The following FRMD3 variants were observed in gnomAD, a reference collection of about 807,000 sequenced individuals.
The protein encoded by FRMD3 is FERM domain containing 3.
FRMD3 carries 33 observed loss-of-function variants against 70.2 expected under a neutral mutation model. That is an observed-to-expected ratio of 0.47 (90% CI 0.36 to 0.63). FRMD3 has a LOEUF of 0.63. FRMD3 is among the 20% of genes least tolerant of loss of function. FRMD3 has a pLI of 0.00. For missense variants in FRMD3, 632 were observed against 711.4 expected (o/e 0.89, Z 1.27); for synonymous variants, 279 against 255.9 (o/e 1.09, Z -0.86).
At chr9:83,576,869 C>A in the FRMD3 span, among the ~76,000 whole-genome samples, 3 of 152,158 alleles carry the variant, frequency 2.0e-5, no homozygotes, top group South Asian at 6.2e-4. Flanking sequence ...ACTAAAAAAT[C>A]TATTAGAACT....
intron 13 of FRMD3, among the ~76,000 whole-genome samples, chr9:83,249,926 A>C (rs1453334841): frequency 3.9e-5 from 6 of 152,194 alleles, no homozygotes; most frequent in Non-Finnish European, 5.9e-5. Flanking sequence ...AAGTTATCAG[A>C]TGACCCAGCA....
At chr9:83,466,110 C>G (rs1159157012) in intron 1 of FRMD3, among the ~76,000 whole-genome samples, 1 of 152,096 alleles carries the variant, frequency 6.6e-6, no homozygotes, top group Non-Finnish European at 1.5e-5. Context: ...AAGGGGAGAA[C>G]AAAAAGGAAC....
intron 1 of FRMD3, among the ~76,000 whole-genome samples, chr9:83,401,253 G>C (rs1825943465): frequency 6.6e-6 from 1 of 152,194 alleles, no homozygotes; most frequent in Admixed American, 6.5e-5. Flanking sequence ...CAAAATGCCA[G>C]GTTTGAACTC....
At chr9:83,307,604 T>A (rs1408568711) in intron 10 of FRMD3, among the ~76,000 whole-genome samples, 1 of 152,024 alleles carries the variant, frequency 6.6e-6, no homozygotes, top group Non-Finnish European at 1.5e-5. Context: ...AATAGGTAAA[T>A]CCATAAAAAC....
At chr9:83,403,123 C>T (rs1051302421) in intron 1 of FRMD3, among the ~76,000 whole-genome samples, 16 of 151,990 alleles carry the variant, frequency 1.1e-4, no homozygotes, top group South Asian at 1.0e-3. Context: ...AGGCTGGTCT[C>T]GAACTCCTGA....
chr9:83,389,782 C>A (rs766205861), intron 1 of FRMD3, 74 bp from the exon 2 acceptor site: 1 of 980,698 alleles, frequency 1.0e-6, no homozygotes, highest in Non-Finnish European at 1.6e-6. Context: ...GCCTTGTTCA[C>A]CACCATGGGT....
intron 1 of FRMD3, among the ~76,000 whole-genome samples, chr9:83,407,628 G>A (rs1020808484): frequency 6.6e-6 from 1 of 152,136 alleles, no homozygotes; most frequent in Non-Finnish European, 1.5e-5. Flanking sequence ...CTAGTTATCT[G>A]TTCCTGTGTA....
At chr9:83,268,914 A>G (rs1330067825) in intron 13 of FRMD3, among the ~76,000 whole-genome samples, 1 of 152,182 alleles carries the variant, frequency 6.6e-6, no homozygotes, top group African/African-American at 2.4e-5. Context: ...ACCCTTTGCA[A>G]TTCCCCCTGA....
chr9:83,450,370 T>TTTTTTTTTTTTTTTA (rs60674885), intron 1 of FRMD3, among the ~76,000 whole-genome samples: 3 of 120,752 alleles, frequency 2.5e-5, no homozygotes, highest in African/African-American at 9.2e-5. Flanking sequence ...TTTTTTTTTT[T>TTTTTTTTTTTTTTTA]ATTATACTCT....
At chr9:83,496,114 G>C (rs564802634) in intron 1 of FRMD3, among the ~76,000 whole-genome samples, 86 of 152,062 alleles carry the variant, frequency 5.7e-4, no homozygotes, top group Non-Finnish European at 8.2e-4. Context: ...TCTGGTGCCT[G>C]CTCCACAAGA....
chr9:83,245,123 G>A lies in FRMD3; in HGVS notation c.*2795C>T. The A allele has an allele frequency of 2.0e-6, 2 of 985,150 alleles. No homozygotes were observed. The highest frequency in any genetic ancestry group is 2.4e-6 in the Non-Finnish European group (2 of 829,804). 61.0% of individuals were successfully genotyped at this position (985,150 alleles called of 1,614,324 possible). ...AATACATCTCAAATTCCTCAATTAG[G>A]GCAAAATAAGCACAATTATGCATGA... On this transcript the variant is annotated 3_prime_UTR_variant, in exon 14 of 14. Transcript: ENST00000304195.
At chr9:83,450,370 T>TTTTTTTA (rs60674885) in intron 1 of FRMD3, among the ~76,000 whole-genome samples, 5 of 120,802 alleles carry the variant, frequency 4.1e-5, no homozygotes, top group South Asian at 2.5e-4. Context: ...TTTTTTTTTT[T>TTTTTTTA]ATTATACTCT....
chr9:83,245,837 C>T lies in FRMD3; in HGVS notation c.*2081G>A. 3 of 985,304 alleles carry T rather than the reference C, an allele frequency of 3.0e-6. No individual in the cohort carries two copies. The highest frequency in any genetic ancestry group is 3.6e-6 in the Non-Finnish European group (3 of 829,886). 61.0% of individuals were successfully genotyped at this position (985,304 alleles called of 1,614,324 possible). A position where few individuals can be genotyped will look rare whatever the true frequency, so the allele number is the denominator to read the frequency against. On this transcript the variant is annotated 3_prime_UTR_variant, in exon 14 of 14. Transcript: ENST00000304195. ...TCGTATGAGAAAAGAAGGAGAAAAA[C>T]ACAAATTTCAATTTCAAACCTAGCC...
At chr9:83,457,321 C>T (rs1052386287) in intron 1 of FRMD3, among the ~76,000 whole-genome samples, 25 of 152,126 alleles carry the variant, frequency 1.6e-4, no homozygotes, top group Non-Finnish European at 3.1e-4. Context: ...GTATAGCATT[C>T]CTGGACTTAA....
chr9:83,437,097 C>T (rs1587851357), intron 1 of FRMD3, among the ~76,000 whole-genome samples: 1 of 152,208 alleles, frequency 6.6e-6, no homozygotes. Flanking sequence ...CAAGGTGACA[C>T]GGAGTCTTGT....
chr9:83,463,570 C>T (rs970281345), intron 1 of FRMD3, among the ~76,000 whole-genome samples: 1 of 152,168 alleles, frequency 6.6e-6, no homozygotes, highest in Non-Finnish European at 1.5e-5. Flanking sequence ...AATTACCTCC[C>T]ACCAGGTCCC....
At chr9:83,481,026 A>G (rs1204621536) in intron 1 of FRMD3, among the ~76,000 whole-genome samples, 1 of 152,232 alleles carries the variant, frequency 6.6e-6, no homozygotes, top group East Asian at 1.9e-4. Context: ...AATGCTTTAC[A>G]TGAAAACACA....
chr9:83,415,808 T>C (rs541962569), intron 1 of FRMD3, among the ~76,000 whole-genome samples: 7 of 151,932 alleles, frequency 4.6e-5, no homozygotes, highest in Admixed American at 2.6e-4. Flanking sequence ...TATATGTAAT[T>C]TGTGAAGCAG....
chr9:83,378,758 AATT>A (rs1564047792), intron 2 of FRMD3, among the ~76,000 whole-genome samples: 1 of 119,536 alleles, frequency 8.4e-6, no homozygotes, highest in African/African-American at 3.8e-5. Flanking sequence ...TATAATATAT[AATT>A]TATATTATAT....
Sources: gnomAD v4.1 joint callset for allele counts (sites outside exome capture counted in the v4.1 genomes callset) on GRCh38, gnomAD v4.1.1 for gene constraint, MANE v1.5 for transcripts, NCBI Gene and HGNC (gene_info 2026-07-23, HGNC 2026-07-21) for gene names.